The following ADRA1A variants were observed in gnomAD, a reference collection of about 807,000 sequenced individuals.
ADRA1A encodes the protein alpha-1A adrenergic receptor.
In ADRA1A, 31 loss-of-function variants were observed where a neutral mutation model predicts 29.6. The observed-to-expected ratio is 1.05, with a 90% confidence interval of 0.79 to 1.41. ADRA1A has a LOEUF of 1.41. Ranked by LOEUF, ADRA1A falls within the 40% of genes most tolerant of loss-of-function variation. ADRA1A has a pLI of 0.00. For missense variants in ADRA1A, 619 were observed against 601.1 expected (o/e 1.03, Z -0.31); for synonymous variants, 311 against 254.3 (o/e 1.22, Z -2.12).
At chr8:26,859,288 A>C (rs911582171) in intron 2 of ADRA1A, 1 of 928,088 alleles carries the variant, frequency 1.1e-6, no homozygotes, top group Non-Finnish European at 1.5e-6. Flanking sequence ...TTAATAAAAA[A>C]ACATATAACA....
intron 2 of ADRA1A, among the ~76,000 whole-genome samples, chr8:26,750,067 G>C (rs1052490591): frequency 6.6e-6 from 1 of 152,194 alleles, no homozygotes; most frequent in African/African-American, 2.4e-5. Flanking sequence ...AGCTCTGGAG[G>C]CTGGGAAGTT....
At chr8:26,756,507 C>A (rs1306241827) in exon 3 of ADRA1A, 40 of 1,521,804 alleles carry the variant, frequency 2.6e-5, no homozygotes, top group Non-Finnish European at 3.3e-5. Context: ...TCCCTGAAGG[C>A]TCTTTTCCTC....
At position 26,846,342 on chromosome 8, in the gene ADRA1A, C is replaced by T. The variant is rs181020712; in HGVS notation, c.883+17745G>A. On this transcript the variant is annotated intron_variant, in intron 2 of 2. Transcript: ENST00000380573. ...AAACCAGAGTTTGTTAATCTTGGCA[C>T]TATTGCCATTTTGGGCTGGTTAATT... 3.9e-5 allele frequency among the ~76,000 whole-genome samples: 6 copies of T among 152,332 alleles called. No homozygotes were observed. In the East Asian group the frequency reaches 9.6e-4, roughly 24 times the overall value.
chr8:26,809,147 T>C (rs1368231491), intron 2 of ADRA1A, among the ~76,000 whole-genome samples: 1 of 152,204 alleles, frequency 6.6e-6, no homozygotes, highest in East Asian at 1.9e-4. Flanking sequence ...TCAACGGGCA[T>C]TTCCAATCTT....
chr8:26,783,134 A>G (rs1029469393), intron 2 of ADRA1A, among the ~76,000 whole-genome samples: 6 of 152,244 alleles, frequency 3.9e-5, no homozygotes, highest in African/African-American at 1.4e-4. Flanking sequence ...ATTCTGAGAA[A>G]GCAAACATGA....
At chr8:26,786,896 C>T (rs1412025942) in intron 2 of ADRA1A, among the ~76,000 whole-genome samples, 2 of 151,856 alleles carry the variant, frequency 1.3e-5, no homozygotes, top group Non-Finnish European at 2.9e-5. Context: ...GTGCCTGGTA[C>T]ATTGTAGTTG....
downstream of ADRA1A, among the ~76,000 whole-genome samples, chr8:26,764,262 T>A (rs1305896062): frequency 6.6e-6 from 1 of 152,202 alleles, no homozygotes; most frequent in Non-Finnish European, 1.5e-5. Flanking sequence ...AATCACTGCC[T>A]TACATGTCAC....
intron 2 of ADRA1A, among the ~76,000 whole-genome samples, chr8:26,777,791 G>C (rs1162588328): frequency 6.6e-6 from 1 of 152,238 alleles, no homozygotes. Flanking sequence ...CAGTGAGTAA[G>C]GGGAACCGGG....
chr8:26,757,063 T>G, intron 2 of ADRA1A: 1 of 703,866 alleles, frequency 1.4e-6, no homozygotes, highest in South Asian at 1.5e-5. Flanking sequence ...ACTCTTCTTT[T>G]TAATTTGGGC....
rs61758628 is a variant in ADRA1A, at chr8:26,748,518, A to G, written c.*72T>C. 8.7e-3 allele frequency: 2,590 copies of G among 297,148 alleles called. 62 individuals are homozygous for G. The highest frequency in any genetic ancestry group is 0.052 in the African/African-American group (2,257 of 43,728). The allele number at this position is 297,148 out of a possible 1,614,324, so 18.4% of individuals were successfully genotyped here. ...CACTTTGGGAGGCTGAGGCAGGCAG[A>G]TCATGAGGTCAAGAGATCGAGATCA... is the stretch of plus-strand genomic sequence containing the variant. On this transcript the variant is annotated 3_prime_UTR_variant, in exon 3 of 3. Transcript: ENST00000380586.
chr8:26,753,608 C>CA (rs1243321609), downstream of ADRA1A, among the ~76,000 whole-genome samples: 2 of 151,938 alleles, frequency 1.3e-5, no homozygotes, highest in East Asian at 1.9e-4. Context: ...ATTTCTATCA[C>CA]AAAAAAATGC....
chr8:26,785,421 A>C (rs76010613), intron 2 of ADRA1A, among the ~76,000 whole-genome samples: 1 of 152,226 alleles, frequency 6.6e-6, no homozygotes, highest in Non-Finnish European at 1.5e-5. Context: ...ATACGCAAGG[A>C]TGTCAACATT....
chr8:26,817,537 G>T (rs1034408085), intron 2 of ADRA1A, among the ~76,000 whole-genome samples: 1 of 152,206 alleles, frequency 6.6e-6, no homozygotes, highest in African/African-American at 2.4e-5. Context: ...CCAGCACTTT[G>T]GGAGGACAAG....
At chr8:26,824,577 G>A (rs1215416225) in intron 2 of ADRA1A, among the ~76,000 whole-genome samples, 3 of 152,112 alleles carry the variant, frequency 2.0e-5, no homozygotes, top group African/African-American at 7.2e-5. Flanking sequence ...GTTCAATCGA[G>A]TGCTCTTCCC....
At chr8:26,828,477 C>T (rs973052430) in intron 2 of ADRA1A, among the ~76,000 whole-genome samples, 1 of 152,148 alleles carries the variant, frequency 6.6e-6, no homozygotes, top group Non-Finnish European at 1.5e-5. Flanking sequence ...ATACATGAGT[C>T]CTTCCTCAGT....
chr8:26,809,168 A>G (rs1428422926), intron 2 of ADRA1A, among the ~76,000 whole-genome samples: 1 of 152,194 alleles, frequency 6.6e-6, no homozygotes, highest in Non-Finnish European at 1.5e-5. Context: ...ATCTCCCATT[A>G]TTCCCCTAAA....
rs1812339801 is a variant in ADRA1A, at chr8:26,848,010, T to C, written c.883+16077A>G. ...GCTGAGAAGTTTGAAAGCCACTGGC[T>C]CAACCCAAGCCCCTCTCCTACAGAT... On this transcript the variant is annotated intron_variant, in intron 2 of 2. Transcript: ENST00000380573. The surrounding 1 kb of genome is among the most constrained non-coding windows in gnomAD (Gnocchi z 4.3). 6.6e-6 allele frequency among the ~76,000 whole-genome samples: 1 copy of C among 152,194 alleles called. No individual in the cohort carries two copies. The highest frequency in any genetic ancestry group is 1.5e-5 in the Non-Finnish European group (1 of 68,032).
In ADRA1A at chr8:26,825,159, C is replaced by T. The variant is rs986134415; in HGVS notation, c.883+38928G>A. 2.6e-5 allele frequency among the ~76,000 whole-genome samples: 4 copies of T among 152,170 alleles called. No homozygotes were observed. The highest frequency in any genetic ancestry group is 2.0e-4 in the Admixed American group (3 of 15,284). On this transcript the variant is annotated intron_variant, in intron 2 of 2. Coordinates refer to ENST00000380573, the MANE Select transcript of ADRA1A (RefSeq NM_000680.4). This position sits in a 1 kb window ranked among gnomAD's most constrained non-coding sequence, Gnocchi z 5.7. Reference sequence around the variant, plus strand: ...ACCCCCAGCCCCCACATGTCCCACCCTGAGCTTGCTAGGCCTTCCAGGGCC... The same window carrying T: ...ACCCCCAGCCCCCACATGTCCCACCTTGAGCTTGCTAGGCCTTCCAGGGCC...
At position 26,848,044 on chromosome 8, in the gene ADRA1A, C is replaced by T. The variant is rs1003880601; in HGVS notation, c.883+16043G>A. Among the ~76,000 whole-genome samples the T allele has an allele frequency of 6.6e-6, 1 of 152,186 alleles. No homozygotes were observed. Among genetic ancestry groups the T allele is most frequent in the Non-Finnish European group, 1.5e-5 (1 of 68,036 alleles). On this transcript the variant is annotated intron_variant, in intron 2 of 2. Coordinates refer to ENST00000380573, the MANE Select transcript of ADRA1A (RefSeq NM_000680.4). The surrounding 1 kb of genome is among the most constrained non-coding windows in gnomAD (Gnocchi z 4.3). ...GCCCCTCTCCTACAGATGAGGACAC[C>T]AGAGTGCAGAGCAAAGGGCAGGACC... is the stretch of plus-strand genomic sequence containing the variant.
Sources: gnomAD v4.1 joint callset for allele counts (sites outside exome capture counted in the v4.1 genomes callset) on GRCh38, gnomAD v4.1.1 for gene constraint, Gnocchi (gnomAD v3.1) non-coding constraint, MANE v1.5 for transcripts, NCBI Gene and HGNC (gene_info 2026-07-23, HGNC 2026-07-21) for gene names.